PCDH11X: variants seen among roughly 807,000 people sequenced by gnomAD.
PCDH11X encodes protocadherin 11 X-linked.
A neutral mutation model predicts 53.3 loss-of-function variants in PCDH11X; 18 were observed. That is an observed-to-expected ratio of 0.34 (90% CI 0.23 to 0.50). The LOEUF (loss-of-function observed/expected upper bound fraction) is 0.50, where lower values mean the gene tolerates loss of function less well. Ranked by LOEUF, PCDH11X falls within the 20% of genes least tolerant of loss-of-function variation. PCDH11X has a pLI of 0.98. For synonymous variants in PCDH11X, 279 were observed against 393.3 expected (o/e 0.71, Z 3.44); for missense variants, 570 against 1,032.4 (o/e 0.55, Z 6.14).
intron 6 of PCDH11X, among the ~76,000 whole-genome samples, chrX:92,139,270 CTTT>C (rs1227547175): frequency 2.4e-5 from 2 of 82,840 alleles, no homozygotes; most frequent in African/African-American, 9.7e-5. Context: ...TTCTTTCTTT[CTTT>C]TTTTTTTTTT....
rs751844825 is a variant in PCDH11X, at chrX:92,136,127, C to T, written c.3034-65248C>T. On this transcript the variant is annotated intron_variant, in intron 6 of 10. Transcript: ENST00000682573. Reference sequence around the variant, plus strand: ...AATTAGTCCCATATTAGCTGTTAAGCACTATTCATTAGCAAAGCAAAGAAA... The same window carrying T: ...AATTAGTCCCATATTAGCTGTTAAGTACTATTCATTAGCAAAGCAAAGAAA... 2.7e-5 allele frequency among the ~76,000 whole-genome samples: 3 copies of T among 110,841 alleles called. No homozygotes were observed. The East Asian group carries it at 8.6e-4, about 32-fold the overall frequency.
chrX:92,027,519 A>G (rs1218972197), intron 6 of PCDH11X, among the ~76,000 whole-genome samples: 1 of 111,598 alleles, frequency 9.0e-6, no homozygotes, highest in Non-Finnish European at 1.9e-5. Context: ...GTAGTCATAA[A>G]TTAAGTTTAT....
At chrX:92,192,594 A>G (rs1282230472) in intron 6 of PCDH11X, among the ~76,000 whole-genome samples, 2 of 110,611 alleles carry the variant, frequency 1.8e-5, no homozygotes, top group African/African-American at 6.6e-5. Context: ...TGATCCGCCC[A>G]CCTCGGCCTC....
At chrX:91,857,143 G>T (rs1382412648) in intron 5 of PCDH11X, among the ~76,000 whole-genome samples, 1 of 111,681 alleles carries the variant, frequency 9.0e-6, no homozygotes, top group Non-Finnish European at 1.9e-5. Flanking sequence ...CAAGGCAAAG[G>T]AGGAGAAAGG....
At chrX:92,286,114 T>C (rs2068365683) in intron 8 of PCDH11X, among the ~76,000 whole-genome samples, 1 of 110,258 alleles carries the variant, frequency 9.1e-6, no homozygotes, top group Non-Finnish European at 1.9e-5. Flanking sequence ...ATCACGAATA[T>C]GTCACAGTGC....
chrX:92,139,981 CTT>C (rs564798316), intron 6 of PCDH11X, among the ~76,000 whole-genome samples: 7 of 100,511 alleles, frequency 7.0e-5, no homozygotes, highest in Admixed American at 4.4e-4. Flanking sequence ...TCTATTCTTC[CTT>C]TTTTTTTTTT....
At chrX:92,211,437 T>A (rs941687599) in intron 7 of PCDH11X, among the ~76,000 whole-genome samples, 2 of 111,980 alleles carry the variant, frequency 1.8e-5, no homozygotes, top group Non-Finnish European at 3.8e-5. Flanking sequence ...CAATTCAACA[T>A]GGGATTTTGG....
intron 1 of PCDH11X, among the ~76,000 whole-genome samples, chrX:91,781,049 T>C (rs1935121574): frequency 8.9e-6 from 1 of 112,250 alleles, no homozygotes; most frequent in Non-Finnish European, 1.9e-5. Context: ...AGCCCTAGCC[T>C]CTCCGATGCA....
intron 10 of PCDH11X, among the ~76,000 whole-genome samples, chrX:92,552,688 T>C (rs2074979505): frequency 9.0e-6 from 1 of 111,177 alleles, no homozygotes; most frequent in Non-Finnish European, 1.9e-5. Context: ...ATGGCTTTTA[T>C]TGCATTGATG....
chrX:92,277,296 AC>A (rs1202622140), intron 8 of PCDH11X, among the ~76,000 whole-genome samples: 1 of 111,392 alleles, frequency 9.0e-6, no homozygotes, highest in African/African-American at 3.3e-5. Flanking sequence ...CTATTTTAAA[AC>A]AAGAATTATT....
At chrX:92,212,415 A>G (rs1363074978) in intron 7 of PCDH11X, among the ~76,000 whole-genome samples, 1 of 111,637 alleles carries the variant, frequency 9.0e-6, no homozygotes, top group African/African-American at 3.3e-5. Context: ...CAATGGCACT[A>G]TCTCGGTTCA....
rs141703504 is a variant in PCDH11X, at chrX:92,266,591, C to T, written c.3144+3448C>T. Among the ~76,000 whole-genome samples, 7 of 111,790 alleles carry T rather than the reference C, an allele frequency of 6.3e-5. 1 individual carries two copies. The East Asian group carries it at 2.0e-3, about 31-fold the overall frequency. On this transcript the variant is annotated intron_variant, in intron 8 of 10. Transcript: ENST00000682573. ...TTATATTTCGTAGATAAGCTAGTGG[C>T]ATTCACAGCAGAAAAGAAGCAAATG...
chrX:91,926,722 G>C (rs2147830744), intron 6 of PCDH11X, among the ~76,000 whole-genome samples: 1 of 109,118 alleles, frequency 9.2e-6, no homozygotes, highest in African/African-American at 3.3e-5. Context: ...CATATTTATG[G>C]GTTACATAGT....
intron 10 of PCDH11X, among the ~76,000 whole-genome samples, chrX:92,488,020 C>T (rs968739468): frequency 7.5e-4 from 85 of 112,735 alleles, no homozygotes; most frequent in African/African-American, 2.5e-3. Context: ...ACTGTAGCCT[C>T]GAACTGCTGG....
In PCDH11X at chrX:92,621,642, G is replaced by A. The variant is rs1383883461; in HGVS notation, c.*2702G>A. ...CTGTTACTTCTAGGGCTTCAGATCT[G>A]ATGATATCTTTTTCATCACATTACA... is the stretch of plus-strand genomic sequence containing the variant. On this transcript the variant is annotated 3_prime_UTR_variant, in exon 11 of 11. Coordinates refer to ENST00000682573, the MANE Select transcript of PCDH11X (RefSeq NM_032968.5). 9.0e-6 allele frequency: 1 copy of A among 110,775 alleles called. No homozygotes were observed. The highest frequency in any genetic ancestry group is 9.7e-5 in the Admixed American group (1 of 10,329). 9.1% of individuals were successfully genotyped at this position (110,775 alleles called of 1,213,427 possible). A position where few individuals can be genotyped will look rare whatever the true frequency, so the allele number is the denominator to read the frequency against.
chrX:92,383,077 C>T (rs751455503), intron 8 of PCDH11X, among the ~76,000 whole-genome samples: 45 of 109,000 alleles, frequency 4.1e-4, no homozygotes, highest in Middle Eastern at 9.5e-3. Flanking sequence ...ATTTTAATGT[C>T]CATAAGTACA....
At chrX:92,003,864 A>G (rs1376896983) in intron 6 of PCDH11X, among the ~76,000 whole-genome samples, 8 of 110,209 alleles carry the variant, frequency 7.3e-5, no homozygotes, top group South Asian at 7.6e-4. Flanking sequence ...TTTGTATTGT[A>G]TTTTTATCTT....
At chrX:92,403,339 G>GTTTTTTTTTTTTTTTTTTTTTTTT (rs1191277649) in intron 9 of PCDH11X, among the ~76,000 whole-genome samples, 6 of 49,362 alleles carry the variant, frequency 1.2e-4, no homozygotes, top group African/African-American at 4.2e-4. Flanking sequence ...GTTTTTTTTT[G>GTTTTTTTTTTTTTTTTTTTTTTTT]TTTTTTTTTT....
At chrX:92,225,517 G>T (rs765845071) in intron 7 of PCDH11X, among the ~76,000 whole-genome samples, 2 of 111,172 alleles carry the variant, frequency 1.8e-5, no homozygotes, top group South Asian at 7.5e-4. Flanking sequence ...AACAAAATGG[G>T]TGCTAAATGG....
Sources: allele counts gnomAD v4.1 joint callset (sites outside exome capture counted in the v4.1 genomes callset), GRCh38; gene constraint gnomAD v4.1.1; transcripts MANE v1.5; gene names NCBI Gene and HGNC (gene_info 2026-07-23, HGNC 2026-07-21).